Variants in B3GAT2 observed in about 807,000 individuals in gnomAD.
B3GAT2 encodes the protein galactosylgalactosylxylosylprotein 3-beta-glucuronosyltransferase 2.
In B3GAT2, 26 loss-of-function variants were observed where a neutral mutation model predicts 27.8. That is an observed-to-expected ratio of 0.93 (90% CI 0.68 to 1.30). The LOEUF (loss-of-function observed/expected upper bound fraction) is 1.30. B3GAT2 is among the 50% of genes most tolerant of loss of function. The pLI is 0.00. For missense variants in B3GAT2, 458 were observed against 459.0 expected (o/e 1.00, Z 0.02); for synonymous variants, 218 against 195.1 (o/e 1.12, Z -0.98).
chr6:70,870,899 AAATG>A (rs1222287876), intron 2 of B3GAT2, among the ~76,000 whole-genome samples: 2 of 152,130 alleles, frequency 1.3e-5, no homozygotes, highest in African/African-American at 4.8e-5. Context: ...TTTATCAAAT[AAATG>A]AAGTTCCCTC....
At chr6:70,872,606 T>C (rs1771955866) in intron 2 of B3GAT2, among the ~76,000 whole-genome samples, 1 of 151,736 alleles carries the variant, frequency 6.6e-6, no homozygotes, top group Non-Finnish European at 1.5e-5. Context: ...GTTTGTCTTG[T>C]AGACAGCATA....
chr6:70,879,756 G>A (rs1029516706), intron 2 of B3GAT2, among the ~76,000 whole-genome samples: 1 of 152,156 alleles, frequency 6.6e-6, no homozygotes, highest in Admixed American at 6.5e-5. Flanking sequence ...CTGAAGGATG[G>A]TGTGGGAGAG....
At chr6:70,866,622 A>C (rs1771854887) in intron 2 of B3GAT2, among the ~76,000 whole-genome samples, 1 of 152,188 alleles carries the variant, frequency 6.6e-6, no homozygotes, top group Admixed American at 6.5e-5. Flanking sequence ...CGAACACATA[A>C]TGATAGAAAC....
chr6:70,947,725 A>G (rs1460159201), intron 1 of B3GAT2, among the ~76,000 whole-genome samples: 1 of 151,792 alleles, frequency 6.6e-6, no homozygotes, highest in Non-Finnish European at 1.5e-5. Flanking sequence ...TCCCTAACTC[A>G]TTTTATGAGG....
chr6:70,946,744 A>G (rs1422833954), intron 1 of B3GAT2, among the ~76,000 whole-genome samples: 1 of 152,120 alleles, frequency 6.6e-6, no homozygotes, highest in Non-Finnish European at 1.5e-5. Flanking sequence ...ATACACATCT[A>G]AAGAACTCTC....
rs1404993475 is a variant in B3GAT2, at chr6:70,858,435, A to C, written c.*3228T>G. On this transcript the variant is annotated 3_prime_UTR_variant, in exon 4 of 4. Transcript: ENST00000230053. ...AATGATGTGTTATTATCGCTATTTT[A>C]GAGTATTCTGTAAAAAAAAGGTTAA... The C allele has an allele frequency of 2.2e-6, 1 of 463,430 alleles. No individual in the cohort carries two copies. 28.7% of individuals were successfully genotyped at this position (463,430 alleles called of 1,614,324 possible).
At chr6:70,915,853 TTC>T (rs1326797029) in intron 1 of B3GAT2, among the ~76,000 whole-genome samples, 1 of 152,210 alleles carries the variant, frequency 6.6e-6, no homozygotes, top group Non-Finnish European at 1.5e-5. Context: ...TCCAGCTTTG[TTC>T]TTTTTGCCCA....
chr6:70,945,174 C>A (rs921661028), intron 1 of B3GAT2, among the ~76,000 whole-genome samples: 2 of 152,140 alleles, frequency 1.3e-5, no homozygotes, highest in Non-Finnish European at 2.9e-5. Flanking sequence ...ACCTCTCCTC[C>A]CCCAAAGGAA....
intron 2 of B3GAT2, among the ~76,000 whole-genome samples, chr6:70,877,798 A>G (rs1277920351): frequency 2.0e-5 from 3 of 152,106 alleles, no homozygotes; most frequent in African/African-American, 4.8e-5. Context: ...CTGAGATTCA[A>G]TTTCAGCTTG....
At chr6:70,873,721 C>A (rs1231040227) in intron 2 of B3GAT2, among the ~76,000 whole-genome samples, 2 of 151,772 alleles carry the variant, frequency 1.3e-5, no homozygotes, top group East Asian at 1.9e-4. Context: ...ACTATGAGGT[C>A]CTGTTCATTT....
intron 1 of B3GAT2, among the ~76,000 whole-genome samples, chr6:70,947,694 C>A (rs201459472): frequency 6.6e-6 from 1 of 151,030 alleles, no homozygotes; most frequent in African/African-American, 2.4e-5. Context: ...CTATTCCAAT[C>A]AATAGAAAAA....
At chr6:70,898,601 C>A (rs1772434355) in intron 1 of B3GAT2, among the ~76,000 whole-genome samples, 1 of 152,004 alleles carries the variant, frequency 6.6e-6, no homozygotes, top group Non-Finnish European at 1.5e-5. Context: ...GTAAGATAAT[C>A]TTCTTAAAAT....
At chr6:70,911,125 T>C (rs112658008) in intron 1 of B3GAT2, among the ~76,000 whole-genome samples, 7 of 152,330 alleles carry the variant, frequency 4.6e-5, no homozygotes, top group African/African-American at 1.7e-4. Flanking sequence ...GTTGTCTGTT[T>C]ACTCTCTTGA....
At chr6:70,935,817 A>G (rs1047075654) in intron 1 of B3GAT2, among the ~76,000 whole-genome samples, 14 of 152,218 alleles carry the variant, frequency 9.2e-5, no homozygotes, top group Non-Finnish European at 1.6e-4. Flanking sequence ...CGTAAAGACC[A>G]TCAAGGCTAG....
Position 70,858,362 on chromosome 6 carries a change from T to C in B3GAT2, c.*3301A>G, listed in dbSNP as rs558501789. On this transcript the variant is annotated 3_prime_UTR_variant, in exon 4 of 4. Transcript: ENST00000230053. Reference sequence around the variant, plus strand: ...AGAATTCAATAGGGATAATATGTTATAGGGTCAAAAGTATCTATAAATATT... The same window carrying C: ...AGAATTCAATAGGGATAATATGTTACAGGGTCAAAAGTATCTATAAATATT... The C allele has an allele frequency of 8.9e-5, 66 of 743,054 alleles. No individual in the cohort carries two copies. In the Admixed American group the frequency reaches 2.0e-3, roughly 22 times the overall value. 46.0% of individuals were successfully genotyped at this position (743,054 alleles called of 1,614,324 possible). A position where few individuals can be genotyped will look rare whatever the true frequency, so the allele number is the denominator to read the frequency against.
chr6:70,873,064 G>A (rs1045917835), intron 2 of B3GAT2, among the ~76,000 whole-genome samples: 8 of 152,002 alleles, frequency 5.3e-5, no homozygotes, highest in Non-Finnish European at 1.0e-4. Context: ...GGTTTATGTA[G>A]CTGTTTTTCA....
chr6:70,902,964 T>C (rs910440129), intron 1 of B3GAT2, among the ~76,000 whole-genome samples: 7 of 152,052 alleles, frequency 4.6e-5, no homozygotes, highest in African/African-American at 1.2e-4. Context: ...AAGAGATCTA[T>C]TGTATATCAT....
At chr6:70,932,732 G>T in intron 1 of B3GAT2, among the ~76,000 whole-genome samples, 1 of 152,126 alleles carries the variant, frequency 6.6e-6, no homozygotes, top group East Asian at 1.9e-4. Context: ...CTCAATTTTT[G>T]TTTCTCCTCA....
At chr6:70,869,537 T>A (rs1771901752) in intron 2 of B3GAT2, among the ~76,000 whole-genome samples, 1 of 152,206 alleles carries the variant, frequency 6.6e-6, no homozygotes. Context: ...CATAACAATA[T>A]TAAGTCTTCT....
Sources: allele counts gnomAD v4.1 joint callset (sites outside exome capture counted in the v4.1 genomes callset), GRCh38; gene constraint gnomAD v4.1.1; transcripts MANE v1.5; gene names NCBI Gene and HGNC (gene_info 2026-07-23, HGNC 2026-07-21).